WWOX: variants seen among roughly 807,000 people sequenced by gnomAD.
WWOX encodes the protein WW domain-containing oxidoreductase.
In WWOX, 69 loss-of-function variants were observed where a neutral mutation model predicts 46.2. The observed-to-expected ratio is 1.49, with a 90% CI of 1.23 to 1.82. The LOEUF is 1.82. WWOX is among the 40% of genes most tolerant of loss of function. The pLI is 0.00. For synonymous variants in WWOX, 359 were observed against 202.6 expected (o/e 1.77, Z -6.56); for missense variants, 919 against 542.6 (o/e 1.69, Z -6.89).
At position 78,955,214 on chromosome 16, in the gene WWOX, C is replaced by CTGCAATGT. The variant is rs755217647; in HGVS notation, c.1057-256393_1057-256386dup. Reference sequence around the variant, plus strand: ...CAGAGATCAGGGCCATATGCTAGAGCTGCAATGTGGGTGCTCAAATGATGT... The same window carrying CTGCAATGT: ...CAGAGATCAGGGCCATATGCTAGAGCTGCAATGTTGCAATGTGGGTGCTCAAATGATGT... On this transcript the variant is annotated intron_variant, in intron 8 of 8. Transcript: ENST00000566780. Among the ~76,000 whole-genome samples the CTGCAATGT allele has an allele frequency of 1.2e-4, 18 of 152,308 alleles. No homozygotes were observed. The South Asian group carries it at 2.1e-3, about 18-fold the overall frequency.
At chr16:78,552,698 A>T (rs1308754722) in intron 8 of WWOX, 1 of 152,236 alleles carries the variant, frequency 6.6e-6, no homozygotes, top group Non-Finnish European at 1.5e-5. Flanking sequence ...TCCTCCTAAG[A>T]AAAAGCAGAT....
chr16:79,175,821 T>C lies in WWOX; in HGVS notation c.1057-35787T>C, dbSNP rs1040458821. ...TCCCAATGTGCCCTTTTTGTCTCAC[T>C]CCTTCCTCCCACACATCCTGCTCCC... On this transcript the variant is annotated intron_variant, in intron 8 of 8. Transcript: ENST00000566780. Among the ~76,000 whole-genome samples, 4 of 152,276 alleles carry C rather than the reference T, an allele frequency of 2.6e-5. No individual in the cohort carries two copies. In the East Asian group the frequency reaches 5.8e-4, roughly 22 times the overall value.
At chr16:78,769,390 A>G (rs540134788) in intron 8 of WWOX, among the ~76,000 whole-genome samples, 8 of 151,988 alleles carry the variant, frequency 5.3e-5, no homozygotes, top group South Asian at 2.1e-4. Context: ...CTTCCTATCC[A>G]GTGCTTGTAA....
chr16:78,898,596 A>G (rs1327918855), intron 8 of WWOX: 1 of 152,096 alleles, frequency 6.6e-6, no homozygotes, highest in African/African-American at 2.4e-5. Flanking sequence ...GTTAGTTTAG[A>G]TACTTTCCTT....
At chr16:79,075,581 C>G (rs2048640231) in intron 8 of WWOX, among the ~76,000 whole-genome samples, 1 of 149,594 alleles carries the variant, frequency 6.7e-6, no homozygotes, top group South Asian at 2.1e-4. Context: ...TAGACGGAGT[C>G]TTGCTCTGTC....
intron 8 of WWOX, among the ~76,000 whole-genome samples, chr16:78,660,786 C>G (rs1303391702): frequency 6.6e-6 from 1 of 152,192 alleles, no homozygotes; most frequent in Non-Finnish European, 1.5e-5. Flanking sequence ...CATTTAGCAT[C>G]AGTTGCAGAT....
chr16:79,061,042 C>T (rs192934600), intron 8 of WWOX, among the ~76,000 whole-genome samples: 1 of 152,266 alleles, frequency 6.6e-6, no homozygotes, highest in African/African-American at 2.4e-5. Context: ...CAGACTTATA[C>T]ACTCACATTC....
chr16:78,816,502 CTTTTTTTTT>C (rs55814418), intron 8 of WWOX, among the ~76,000 whole-genome samples: 1,413 of 42,198 alleles, frequency 0.033, 33 homozygotes, highest in African/African-American at 0.12. Context: ...AGGAGCCACT[CTTTTTTTTT>C]TTTTTTTTTT....
At chr16:78,677,198 A>T (rs561272131) in intron 8 of WWOX, among the ~76,000 whole-genome samples, 1 of 152,126 alleles carries the variant, frequency 6.6e-6, no homozygotes, top group Non-Finnish European at 1.5e-5. Context: ...GTCCCAGGCA[A>T]TCAGGCTCTT....
At chr16:78,836,996 A>C (rs1363058031) in intron 8 of WWOX, among the ~76,000 whole-genome samples, 1 of 152,174 alleles carries the variant, frequency 6.6e-6, no homozygotes, top group African/African-American at 2.4e-5. Context: ...GTTGTTCTCT[A>C]GAACATAGAA....
At chr16:78,633,093 T>C (rs1290921763) in intron 8 of WWOX, among the ~76,000 whole-genome samples, 1 of 152,028 alleles carries the variant, frequency 6.6e-6, no homozygotes, top group Admixed American at 6.5e-5. Flanking sequence ...TGAAACCCTG[T>C]CTCTACTACA....
chr16:79,129,687 A>G (rs1044147491), intron 8 of WWOX, among the ~76,000 whole-genome samples: 6 of 152,160 alleles, frequency 3.9e-5, no homozygotes, highest in African/African-American at 2.4e-5. Flanking sequence ...ACTGCATTCC[A>G]TGCCTGGCAC....
intron 8 of WWOX, among the ~76,000 whole-genome samples, chr16:79,085,032 C>T (rs950665023): frequency 6.7e-6 from 1 of 148,856 alleles, no homozygotes; most frequent in African/African-American, 2.5e-5. Context: ...CTTAAGCAAT[C>T]CTCCCGCCTC....
intron 1 of WWOX, among the ~76,000 whole-genome samples, chr16:78,107,535 G>C (rs1392267681): frequency 6.6e-6 from 1 of 152,192 alleles, no homozygotes; most frequent in African/African-American, 2.4e-5. Context: ...GGAGATTAAG[G>C]AGTGGGGTCA....
At chr16:78,216,087 C>T (rs1361606087) in intron 5 of WWOX, among the ~76,000 whole-genome samples, 1 of 152,188 alleles carries the variant, frequency 6.6e-6, no homozygotes, top group Middle Eastern at 3.2e-3. Flanking sequence ...ATCCGTCAGC[C>T]ACACTGCCTG....
chr16:78,510,447 C>T (rs375250841), intron 8 of WWOX, among the ~76,000 whole-genome samples: 2 of 152,174 alleles, frequency 1.3e-5, no homozygotes, highest in African/African-American at 4.8e-5. Flanking sequence ...CTCCTGACCT[C>T]AAGTGATCCA....
intron 8 of WWOX, among the ~76,000 whole-genome samples, chr16:78,767,496 GT>G (rs1244460069): frequency 2.0e-5 from 3 of 151,682 alleles, no homozygotes; most frequent in Non-Finnish European, 4.4e-5. Flanking sequence ...GTGTGTGTGT[GT>G]GTGTGTGTGT....
intron 8 of WWOX, among the ~76,000 whole-genome samples, chr16:78,596,640 A>G (rs1466788583): frequency 1.3e-5 from 2 of 152,196 alleles, no homozygotes; most frequent in Non-Finnish European, 1.5e-5. Flanking sequence ...TTCAAGGTCC[A>G]TTTGTGGGGA....
intron 8 of WWOX, among the ~76,000 whole-genome samples, chr16:79,024,766 C>A (rs554644682): frequency 6.6e-6 from 1 of 152,146 alleles, no homozygotes; most frequent in South Asian, 2.1e-4. Flanking sequence ...GAGACAGGGT[C>A]TCACCTTGTT....
Sources: allele counts gnomAD v4.1 joint callset (sites outside exome capture counted in the v4.1 genomes callset), GRCh38; gene constraint gnomAD v4.1.1; transcripts MANE v1.5; gene names NCBI Gene and HGNC (gene_info 2026-07-23, HGNC 2026-07-21).